Variants in TBC1D4 observed in about 807,000 individuals in gnomAD.
TBC1D4 encodes the protein TBC (Tre-2, BUB2, CDC16) domain-containing protein.
Under a neutral mutation model 142.5 loss-of-function variants are expected in TBC1D4, and 121 were observed. The ratio of observed to expected loss-of-function variants is 0.85; its 90% CI spans 0.73 to 0.99. The LOEUF (loss-of-function observed/expected upper bound fraction) is 0.99. Ranked by LOEUF, TBC1D4 falls within the 50% of genes least tolerant of loss-of-function variation. The probability of loss-of-function intolerance (pLI) is 0.00; values close to 1 mark genes in which losing one functional copy is unlikely to be tolerated. For synonymous variants in TBC1D4, 630 were observed against 628.2 expected, an observed-to-expected ratio of 1.00 and a Z score of -0.04; for missense variants, 1,475 against 1,606.6, an observed-to-expected ratio of 0.92 and a Z score of 1.40.
At chr13:75,365,329 T>C (rs990669235) in intron 1 of TBC1D4, among the ~76,000 whole-genome samples, 3 of 145,828 alleles carry the variant, frequency 2.1e-5, no homozygotes, top group African/African-American at 5.5e-5. Context: ...TAACAACAGC[T>C]CTGTTTTTTT....
At chr13:75,305,346 G>A (rs1189016795) in intron 15 of TBC1D4, among the ~76,000 whole-genome samples, 3 of 152,174 alleles carry the variant, frequency 2.0e-5, no homozygotes, top group Non-Finnish European at 4.4e-5. Context: ...AGTTTAAACT[G>A]TATCCAATAA....
intron 14 of TBC1D4, among the ~76,000 whole-genome samples, chr13:75,307,791 C>T (rs777906552): frequency 5.3e-5 from 8 of 152,278 alleles, no homozygotes; most frequent in East Asian, 1.9e-4. Context: ...CTATTCCTTC[C>T]GGATACCACA....
chr13:75,405,838 T>C (rs1885313329), intron 1 of TBC1D4, among the ~76,000 whole-genome samples: 1 of 147,550 alleles, frequency 6.8e-6, no homozygotes, highest in South Asian at 2.2e-4. Flanking sequence ...CCCAAAAAAA[T>C]GGAAGTTTGA....
chr13:75,466,523 A>C (rs917395209), intron 1 of TBC1D4, among the ~76,000 whole-genome samples: 1 of 152,214 alleles, frequency 6.6e-6, no homozygotes, highest in African/African-American at 2.4e-5. Flanking sequence ...AGATCTAAAT[A>C]TATGCAAAGC....
At chr13:75,457,570 G>C (rs542284172) in intron 1 of TBC1D4, among the ~76,000 whole-genome samples, 212 of 152,288 alleles carry the variant, frequency 1.4e-3, no homozygotes, top group Admixed American at 3.0e-3. Context: ...CTCAAAGTAG[G>C]AACCGGAGTA....
At chr13:75,287,064 C>A (rs1228222574) in intron 20 of TBC1D4, 39 bp from the exon 21 acceptor site, 1 of 1,540,514 alleles carries the variant, frequency 6.5e-7, no homozygotes, top group Non-Finnish European at 9.0e-7. Context: ...TCAAATGATT[C>A]ATTATAGTAG....
intron 1 of TBC1D4, among the ~76,000 whole-genome samples, chr13:75,413,923 A>C (rs1356739320): frequency 6.6e-6 from 1 of 152,104 alleles, no homozygotes; most frequent in African/African-American, 2.4e-5. Context: ...GGGTTTCTTG[A>C]TTGGGGTTCC....
chr13:75,469,138 G>A (rs1239381259), intron 1 of TBC1D4, among the ~76,000 whole-genome samples: 1 of 152,170 alleles, frequency 6.6e-6, no homozygotes, highest in Non-Finnish European at 1.5e-5. Flanking sequence ...AGGCTCTGGA[G>A]TGATTTAAGA....
intron 11 of TBC1D4, among the ~76,000 whole-genome samples, chr13:75,320,814 G>T (rs1423275058): frequency 6.8e-6 from 1 of 146,378 alleles, no homozygotes; most frequent in Admixed American, 7.0e-5. Flanking sequence ...ACGAGGTCAG[G>T]AGATCAAGGT....
chr13:75,361,258 T>C (rs1422108041), intron 2 of TBC1D4, among the ~76,000 whole-genome samples: 1 of 152,222 alleles, frequency 6.6e-6, no homozygotes, highest in Non-Finnish European at 1.5e-5. Flanking sequence ...AATTGGTGTG[T>C]CCTCGACTCA....
At chr13:75,393,750 G>A (rs960677630) in intron 1 of TBC1D4, among the ~76,000 whole-genome samples, 3 of 152,012 alleles carry the variant, frequency 2.0e-5, no homozygotes, top group African/African-American at 4.8e-5. Flanking sequence ...TGACCAACCC[G>A]GAGAAACCCC....
chr13:75,425,222 T>C (rs1054356173), intron 1 of TBC1D4, among the ~76,000 whole-genome samples: 1 of 151,968 alleles, frequency 6.6e-6, no homozygotes, highest in African/African-American at 2.4e-5. Flanking sequence ...AAATGGTCAA[T>C]AGTTGTAAGA....
At chr13:75,349,022 C>A in intron 5 of TBC1D4, 148 bp downstream of exon 5, 1 of 1,033,872 alleles carries the variant, frequency 9.7e-7, no homozygotes, top group Non-Finnish European at 1.4e-6. Context: ...GATTGACAGC[C>A]CACTCACATT....
chr13:75,443,167 A>C (rs1013751929), intron 1 of TBC1D4, among the ~76,000 whole-genome samples: 4 of 152,258 alleles, frequency 2.6e-5, no homozygotes, highest in Non-Finnish European at 5.9e-5. Flanking sequence ...CGGCTAGGAC[A>C]TTTCACTGAC....
At chr13:75,441,823 G>A (rs1026949136) in intron 1 of TBC1D4, among the ~76,000 whole-genome samples, 5 of 152,066 alleles carry the variant, frequency 3.3e-5, no homozygotes, top group Non-Finnish European at 7.4e-5. Context: ...CCCCAACTCC[G>A]AATTACAGCA....
At chr13:75,334,169 G>T (rs529107647) in intron 8 of TBC1D4, among the ~76,000 whole-genome samples, 79 of 151,990 alleles carry the variant, frequency 5.2e-4, no homozygotes, top group Non-Finnish European at 1.5e-4. Flanking sequence ...GAAAATAGTT[G>T]CCTATTTTAT....
At chr13:75,368,693 G>C (rs1229448412) in intron 1 of TBC1D4, among the ~76,000 whole-genome samples, 1 of 152,180 alleles carries the variant, frequency 6.6e-6, no homozygotes, top group Non-Finnish European at 1.5e-5. Context: ...TGATCAGATA[G>C]AAAATATAAA....
intron 17 of TBC1D4, 31 bp from the exon 18 acceptor site, chr13:75,295,044 T>C (rs749001618): frequency 6.2e-7 from 1 of 1,606,766 alleles, no homozygotes; most frequent in Non-Finnish European, 8.5e-7. Flanking sequence ...AAAAAAAATA[T>C]TATGCATTTA....
chr13:75,406,283 T>A (rs1252221446), intron 1 of TBC1D4, among the ~76,000 whole-genome samples: 1 of 152,250 alleles, frequency 6.6e-6, no homozygotes, highest in Non-Finnish European at 1.5e-5. Context: ...GGATTCCTTA[T>A]AATTCTATTA....
Sources: allele counts gnomAD v4.1 joint callset (sites outside exome capture counted in the v4.1 genomes callset), GRCh38; gene constraint gnomAD v4.1.1; transcripts MANE v1.5; gene names NCBI Gene and HGNC (gene_info 2026-07-23, HGNC 2026-07-21).